HUWE1: variants seen among roughly 807,000 people sequenced by gnomAD.
HUWE1 encodes HECT, UBA and WWE domain containing E3 ubiquitin protein ligase 1, also known as E3 ubiquitin-protein ligase HUWE1.
HUWE1 carries 18 observed loss-of-function variants against 299.4 expected under a neutral mutation model. The ratio of observed to expected loss-of-function variants is 0.06; its 90% CI spans 0.04 to 0.09. HUWE1 has a LOEUF of 0.09. Among genes scored for constraint, HUWE1 ranks in the 10% least tolerant of loss-of-function variants. The probability of loss-of-function intolerance (pLI) is 1.00; values close to 1 mark genes in which losing one functional copy is unlikely to be tolerated. For missense variants in HUWE1, 1,832 were observed against 3,462.3 expected (o/e 0.53, Z 11.82); for synonymous variants, 1,317 against 1,286.1 (o/e 1.02, Z -0.51).
chrX:53,563,933 C>CA, intron 51 of HUWE1, 112 bp from the exon 52 acceptor site: 1 of 852,371 alleles, frequency 1.2e-6, no homozygotes, highest in Admixed American at 2.6e-5. Flanking sequence ...TAACATGTGA[C>CA]AGAGGATGTT....
chrX:53,538,242 A>C (rs1446584210), intron 77 of HUWE1, 95 bp downstream of exon 77: 16 of 605,615 alleles, frequency 2.6e-5, no homozygotes, highest in Non-Finnish European at 3.7e-5. Context: ...GCTGTCACCA[A>C]AGGAAATTTG....
At chrX:53,546,003 C>T (rs1310694891) in intron 70 of HUWE1, among the ~76,000 whole-genome samples, 1 of 111,182 alleles carries the variant, frequency 9.0e-6, no homozygotes, top group Non-Finnish European at 1.9e-5. Flanking sequence ...AATTTTTATA[C>T]CCTCAAAATT....
At chrX:53,636,238 G>A (rs1456996099) in intron 7 of HUWE1, among the ~76,000 whole-genome samples, 1 of 112,756 alleles carries the variant, frequency 8.9e-6, no homozygotes, top group Non-Finnish European at 1.9e-5. Flanking sequence ...TAGGAATGCT[G>A]TCAGTGAAAA....
intron 3 of HUWE1, among the ~76,000 whole-genome samples, chrX:53,668,602 T>G (rs1557048395): frequency 9.0e-6 from 1 of 111,513 alleles, no homozygotes; most frequent in Admixed American, 9.5e-5. Context: ...GCCATACATC[T>G]CTGAGTCCAG....
chrX:53,665,491 G>A (rs1453918599), intron 3 of HUWE1, among the ~76,000 whole-genome samples: 2 of 111,672 alleles, frequency 1.8e-5, no homozygotes, highest in Non-Finnish European at 3.8e-5. Flanking sequence ...CTCCAATGTT[G>A]ACTTTGAACG....
intron 19 of HUWE1, among the ~76,000 whole-genome samples, chrX:53,621,461 T>C (rs1221378765): frequency 9.3e-6 from 1 of 107,886 alleles, no homozygotes; most frequent in Admixed American, 1.0e-4. Flanking sequence ...ATTTCTCAAG[T>C]GCGAGCCTAG....
At position 53,550,919 on chromosome X, in the gene HUWE1, C is replaced by T; in HGVS notation, c.9367G>A (p.Ala3123Thr). ...TCTGTACCCGGGCTTCGGAGAATAG[C>T]AGAGAGTGCGGAGGTGCTACTGTGC... Reference protein sequence around the residue: ...FGHSSTSALSAILRSPAFTSR... With the variant: ...FGHSSTSALSTILRSPAFTSR... Residue 3123 changes from alanine to threonine, a missense_variant, in exon 65 of 84, where the codon GCT becomes ACT. By Grantham distance (58) the Ala-to-Thr change is moderately conservative. Coordinates refer to ENST00000262854, the MANE Select transcript of HUWE1 (RefSeq NM_031407.7). The T allele has an allele frequency of 8.3e-7, 1 of 1,211,818 alleles. No individual in the cohort carries two copies. Among genetic ancestry groups the T allele is most frequent in the Non-Finnish European group, 1.1e-6 (1 of 895,528 alleles).
chrX:53,625,302 T>G (rs2066409758), intron 17 of HUWE1, 44 bp from the exon 18 acceptor site: 1 of 892,903 alleles, frequency 1.1e-6, no homozygotes, highest in Non-Finnish European at 1.7e-6. Flanking sequence ...AGTTCGCCAT[T>G]AAACCACAAT....
At chrX:53,568,658 G>T (rs982176765) in intron 49 of HUWE1, 34 bp downstream of exon 49, 8 of 1,179,892 alleles carry the variant, frequency 6.8e-6, no homozygotes, top group Non-Finnish European at 9.2e-6. Flanking sequence ...AGGCTGAAGA[G>T]AAGGAAAAGC....
intron 23 of HUWE1, among the ~76,000 whole-genome samples, chrX:53,609,432 G>A (rs1477766808): frequency 8.9e-6 from 1 of 112,388 alleles, no homozygotes; most frequent in Non-Finnish European, 1.9e-5. Context: ...AAGTTATGGA[G>A]AGTAGGAAAT....
rs782029947 is a variant in HUWE1, at chrX:53,629,184, C to T, written c.964-282G>A. The stretch of plus-strand genomic sequence containing the variant: ...ATACAGAGAACATTAATGCAGGATC[C>T]CTGATTCAAAAATCTGAAATATTCC... On this transcript the variant is annotated intron_variant, in intron 13 of 83. Transcript: ENST00000262854. Among the ~76,000 whole-genome samples the T allele has an allele frequency of 2.7e-5, 3 of 111,139 alleles. No individual in the cohort carries two copies. In the East Asian group the frequency reaches 8.5e-4, roughly 31 times the overall value.
chrX:53,645,332 A>G lies in HUWE1; in HGVS notation c.483T>C (p.Thr161=), dbSNP rs1456220194. Residue 161 remains threonine, a synonymous_variant, in exon 7 of 84, where the codon ACT becomes ACC. Coordinates refer to ENST00000262854, the MANE Select transcript of HUWE1 (RefSeq NM_031407.7). ...TCACCTCTGCCAAATGTTGTAGCCG[A>G]GTTAGCAGCGGGGTCCTCTTGTCAG... ...LGSDKRTPLL[T]RLQHLAESWG... is the part of the protein sequence containing the mutation. 10 of 1,209,027 alleles carry G rather than the reference A, an allele frequency of 8.3e-6. No homozygotes were observed. Among genetic ancestry groups the G allele is most frequent in the African/African-American group, 1.8e-5 (1 of 56,854 alleles).
At chrX:53,573,418 C>T (rs2062933810) in intron 47 of HUWE1, among the ~76,000 whole-genome samples, 1 of 111,856 alleles carries the variant, frequency 8.9e-6, no homozygotes, top group Admixed American at 9.4e-5. Context: ...ATTCCCTTGC[C>T]TCAGCCTCCC....
chrX:53,621,005 G>A (rs1208513081), intron 19 of HUWE1, among the ~76,000 whole-genome samples: 1 of 111,530 alleles, frequency 9.0e-6, no homozygotes. Context: ...TCTCTGCCTG[G>A]GTTGACATAC....
In HUWE1 at chrX:53,600,212, C is replaced by T. The variant is rs879953085; in HGVS notation, c.3069G>A (p.Glu1023=). Residue 1023 remains glutamate, a synonymous_variant, in exon 29 of 84, where the codon GAG becomes GAA. Transcript: ENST00000262854. ...GLDGDTLAPM[E]TDEPTASDSK... is the part of the protein sequence containing the mutation. ...AGTCTGAAGCAGTAGGTTCATCTGT[C>T]TCCATGGGAGCCAATGTGTCACCAT... The T allele has an allele frequency of 1.7e-6, 2 of 1,209,311 alleles. No individual in the cohort carries two copies. Among genetic ancestry groups the T allele is most frequent in the South Asian group, 3.5e-5 (2 of 56,888 alleles).
In HUWE1 at chrX:53,667,738, T is replaced by A. The variant is rs782386313; in HGVS notation, c.-25+12311A>T. 1.5e-3 allele frequency among the ~76,000 whole-genome samples: 168 copies of A among 111,901 alleles called. 1 individual carries two copies. Among genetic ancestry groups the A allele is most frequent in the African/African-American group, 5.2e-3 (160 of 30,821 alleles). The stretch of plus-strand genomic sequence containing the variant: ...AATGACATATAGAGAAAAACAAGTG[T>A]AGAGGAATCTTTAGAATTCCTCATC... On this transcript the variant is annotated intron_variant, in intron 3 of 83. Transcript: ENST00000262854.
At chrX:53,552,110 A>G (rs782222984) in intron 63 of HUWE1, among the ~76,000 whole-genome samples, 1 of 111,789 alleles carries the variant, frequency 8.9e-6, no homozygotes, top group Non-Finnish European at 1.9e-5. Flanking sequence ...GAGTGGGGGA[A>G]TTTGAGTGAG....
chrX:53,684,093 C>T, intron 2 of HUWE1: 1 of 271,815 alleles, frequency 3.7e-6, no homozygotes, highest in Admixed American at 6.4e-5. Context: ...CCCACCAAAG[C>T]CGAAGTAGCT....
chrX:53,654,745 C>T (rs782262328), intron 3 of HUWE1, among the ~76,000 whole-genome samples: 5 of 112,041 alleles, frequency 4.5e-5, no homozygotes, highest in Non-Finnish European at 7.5e-5. Context: ...AAGATTACAA[C>T]ACAGAACATA....
Sources: allele counts gnomAD v4.1 joint callset (sites outside exome capture counted in the v4.1 genomes callset), GRCh38; gene constraint gnomAD v4.1.1; transcripts MANE v1.5; gene names NCBI Gene and HGNC (gene_info 2026-07-23, HGNC 2026-07-21).